RFC3: variants seen among roughly 807,000 people sequenced by gnomAD.
RFC3 encodes A1 38 kDa subunit.
A neutral mutation model predicts 45.1 loss-of-function variants in RFC3; 41 were observed. The ratio of observed to expected loss-of-function variants is 0.91; its 90% CI spans 0.71 to 1.18. The LOEUF (loss-of-function observed/expected upper bound fraction) is 1.18. Among genes scored for constraint, RFC3 ranks in the 50% most tolerant of loss-of-function variants. RFC3 has a pLI of 0.00. For missense variants in RFC3, 423 were observed against 428.1 expected (o/e 0.99, Z 0.10); for synonymous variants, 149 against 144.0 (o/e 1.03, Z -0.25).
chr13:33,818,897 T>TGG (rs1566373864), intron 1 of RFC3, among the ~76,000 whole-genome samples: 1 of 147,304 alleles, frequency 6.8e-6, no homozygotes, highest in East Asian at 1.9e-4. Context: ...TTTTTTTTTT[T>TGG]TTTTTTTTTT....
intron 8 of RFC3, among the ~76,000 whole-genome samples, chr13:33,884,131 A>T: frequency 6.6e-6 from 1 of 152,324 alleles, no homozygotes. Context: ...TGAACCACCT[A>T]TAACGTGGAA....
chr13:33,937,194 A>G (rs896673183), intron 8 of RFC3, among the ~76,000 whole-genome samples: 6 of 152,254 alleles, frequency 3.9e-5, no homozygotes, highest in Admixed American at 1.3e-4. Flanking sequence ...TTCTATGTTC[A>G]GATATGTTTA....
Position 33,966,103 on chromosome 13 carries a change from C to A in RFC3, c.896C>A (p.Ser299Ter), listed in dbSNP as rs1207053811. ...CTCTTACAGGCATGTAAGGAGGAAT[C>A]AAGAAGCTGTGACATATTCTGAGGA... The change falls in exon 9 of 9, where the codon TCA (serine) becomes TAA (stop). Residue 299 changes from serine (S) to a stop codon, truncating the protein, a stop_gained. Coordinates refer to the RFC3 transcript ENST00000434425. LOFTEE classifies it high-confidence loss of function. 6.2e-7 allele frequency: 1 copy of A among 1,610,776 alleles called. No homozygotes were observed. Among genetic ancestry groups the A allele is most frequent in the South Asian group, 1.1e-5 (1 of 91,008 alleles).
intron 8 of RFC3, among the ~76,000 whole-genome samples, chr13:33,894,893 A>G (rs758636582): frequency 6.6e-6 from 1 of 152,236 alleles, no homozygotes; most frequent in Non-Finnish European, 1.5e-5. Flanking sequence ...TATTAAAAAA[A>G]CATAAATGGG....
At chr13:33,970,932 G>A (rs7995137), downstream of RFC3, among the ~76,000 whole-genome samples, 7,254 of 152,242 alleles carry the variant, frequency 0.048, 556 homozygotes, top group African/African-American at 0.16. Context: ...GAGTTGGAAG[G>A]GGCTTGGTGT....
intron 8 of RFC3, among the ~76,000 whole-genome samples, chr13:33,941,585 T>A (rs1286908728): frequency 1.3e-5 from 2 of 152,206 alleles, no homozygotes; most frequent in African/African-American, 2.4e-5. Flanking sequence ...TTATTGTCTT[T>A]TAACTGCCAT....
At chr13:33,899,204 C>CAAAAAAAAAA (rs59221382) in intron 8 of RFC3, among the ~76,000 whole-genome samples, 653 of 52,038 alleles carry the variant, frequency 0.013, 4 homozygotes, top group Middle Eastern at 0.031. Context: ...CACAATAAGA[C>CAAAAAAAAAA]AAAAAAAAAA....
At chr13:33,900,541 A>C (rs1172988093) in intron 8 of RFC3, among the ~76,000 whole-genome samples, 1 of 149,782 alleles carries the variant, frequency 6.7e-6, no homozygotes. Context: ...AAACGTATTA[A>C]GACCTGTATT....
At chr13:33,879,329 G>T (rs2082467417) in intron 8 of RFC3, among the ~76,000 whole-genome samples, 1 of 151,892 alleles carries the variant, frequency 6.6e-6, no homozygotes. Context: ...TCATTTCCTT[G>T]CCCGTTTCCT....
chr13:33,825,036 T>C (rs748046675), intron 3 of RFC3, among the ~76,000 whole-genome samples: 1 of 152,162 alleles, frequency 6.6e-6, no homozygotes, highest in African/African-American at 2.4e-5. Context: ...TAAAGTTAAC[T>C]GCTTTGACCT....
chr13:33,968,114 T>A (rs1270197012), downstream of RFC3, among the ~76,000 whole-genome samples: 1 of 152,176 alleles, frequency 6.6e-6, no homozygotes, highest in Non-Finnish European at 1.5e-5. Flanking sequence ...TAAAGCCAGC[T>A]CTAGTGCAAT....
chr13:33,842,313 A>G (rs1318254255), downstream of RFC3, among the ~76,000 whole-genome samples: 1 of 152,002 alleles, frequency 6.6e-6, no homozygotes, highest in East Asian at 1.9e-4. Context: ...AGAAAAATCC[A>G]GAAATAATTT....
At chr13:33,962,441 CT>C (rs2083063080) in intron 8 of RFC3, among the ~76,000 whole-genome samples, 1 of 152,120 alleles carries the variant, frequency 6.6e-6, no homozygotes, top group Non-Finnish European at 1.5e-5. Context: ...TGGCTTTTGG[CT>C]TAATGAATGT....
At chr13:33,921,657 G>A (rs1051939810) in intron 8 of RFC3, among the ~76,000 whole-genome samples, 7 of 152,034 alleles carry the variant, frequency 4.6e-5, no homozygotes, top group Admixed American at 6.6e-5. Context: ...AGCCTTTCAC[G>A]ATGACTTTGC....
chr13:33,861,420 G>C (rs1421125625), intron 8 of RFC3, among the ~76,000 whole-genome samples: 1 of 152,124 alleles, frequency 6.6e-6, no homozygotes, highest in African/African-American at 2.4e-5. Flanking sequence ...CTGAGGTCAG[G>C]AGTTTGAGAC....
At chr13:33,882,940 T>G (rs2082494995) in intron 8 of RFC3, among the ~76,000 whole-genome samples, 2 of 152,240 alleles carry the variant, frequency 1.3e-5, no homozygotes, top group African/African-American at 2.4e-5. Context: ...TTTGTGTCCA[T>G]TTTTATTCCT....
intron 7 of RFC3, among the ~76,000 whole-genome samples, chr13:33,834,321 T>C (rs1362384864): frequency 7.7e-6 from 1 of 129,724 alleles, no homozygotes; most frequent in African/African-American, 3.4e-5. Flanking sequence ...TATATATATA[T>C]ATATATATAT....
intron 8 of RFC3, among the ~76,000 whole-genome samples, chr13:33,931,516 T>C (rs2082852094): frequency 1.3e-5 from 2 of 152,176 alleles, no homozygotes; most frequent in Admixed American, 6.5e-5. Context: ...ACTCATATCA[T>C]GAGATGTGTA....
chr13:33,822,539 G>C (rs1336700657), intron 2 of RFC3, among the ~76,000 whole-genome samples: 1 of 152,052 alleles, frequency 6.6e-6, no homozygotes, highest in African/African-American at 2.4e-5. Context: ...GTATTATATT[G>C]GCATGAAAAT....
Sources: gnomAD v4.1 joint callset for allele counts (sites outside exome capture counted in the v4.1 genomes callset) on GRCh38, gnomAD v4.1.1 for gene constraint, MANE v1.5 for transcripts, NCBI Gene and HGNC (gene_info 2026-07-23, HGNC 2026-07-21) for gene names.